Variants in AFF2 observed in about 807,000 individuals in gnomAD.
AFF2 encodes the protein ALF transcription elongation factor 2, also known as AF4/FMR2 family member 2.
A neutral mutation model predicts 76.9 loss-of-function variants in AFF2; 14 were observed. The observed-to-expected ratio is 0.18, with a 90% confidence interval of 0.12 to 0.28. The LOEUF (loss-of-function observed/expected upper bound fraction) is 0.28. AFF2 is among the 10% of genes least tolerant of loss of function. The pLI is 1.00. For synonymous variants in AFF2, 398 were observed against 366.7 expected, an observed-to-expected ratio of 1.09 and a Z score of -0.98; for missense variants, 868 against 1,001.1, an observed-to-expected ratio of 0.87 and a Z score of 1.79.
In AFF2 at chrX:148,662,442, C is replaced by T; in HGVS notation, c.715C>T (p.Pro239Ser). Residue 239 changes from proline to serine, a missense_variant, in exon 3 of 21, where the codon CCG (proline) becomes TCG (serine). By Grantham distance (74) the Pro-to-Ser change is moderately conservative. This residue lies in a region of AFF2 where 196 missense variants were observed against 194.8 expected (regional missense o/e 1.01). Coordinates refer to ENST00000370460, the MANE Select transcript of AFF2 (RefSeq NM_002025.4). ...CAAAGAAATCTTTCAATCCAATTCA[C>T]CGGAAGAATCTGAATTCGCCGTGCA... Reference protein sequence around the residue: ...AFKEIFQSNSPEESEFAVQAP... With the variant: ...AFKEIFQSNSSEESEFAVQAP... 1 of 1,211,781 alleles carries T rather than the reference C, an allele frequency of 8.3e-7. No homozygotes were observed. Among genetic ancestry groups the T allele is most frequent in the Non-Finnish European group, 1.1e-6 (1 of 895,343 alleles).
rs1276466281 is a variant in AFF2, at chrX:148,649,591, C to G, written c.48-2408C>G. 2.9e-4 allele frequency among the ~76,000 whole-genome samples: 33 copies of G among 112,325 alleles called. No individual in the cohort carries two copies. In the Admixed American group the frequency reaches 3.0e-3, roughly 10 times the overall value. ...GATAACACCCGCATGCACACTCAAT[C>G]TGCTATTCAAATTTGTGTCTGGAAT... On this transcript the variant is annotated intron_variant, in intron 1 of 20. Transcript: ENST00000370460.
chrX:148,805,897 T>TGA lies in AFF2; in HGVS notation c.1042-3975_1042-3974dup, dbSNP rs781905204. On this transcript the variant is annotated intron_variant, in intron 3 of 20. Transcript: ENST00000370460. Reference sequence around the variant, plus strand: ...CAAGAGGGTCGTCTGGGGCCAGGAGTGAGAGCACAGCCTCCCCTGTGTGTC... The same window carrying TGA: ...CAAGAGGGTCGTCTGGGGCCAGGAGTGAGAGAGCACAGCCTCCCCTGTGTGTC... Among the ~76,000 whole-genome samples the TGA allele has an allele frequency of 7.1e-5, 8 of 112,081 alleles. No individual in the cohort carries two copies. In the South Asian group the frequency reaches 3.0e-3, roughly 42 times the overall value.
intron 7 of AFF2, among the ~76,000 whole-genome samples, chrX:148,853,382 T>G (rs1168683445): frequency 1.8e-5 from 2 of 111,591 alleles, no homozygotes; most frequent in South Asian, 3.8e-4. Context: ...GTTCCAGCGC[T>G]CTCACTCCCC....
chrX:148,833,020 A>C (rs1351419514), intron 4 of AFF2, among the ~76,000 whole-genome samples: 7 of 111,638 alleles, frequency 6.3e-5, no homozygotes, highest in Non-Finnish European at 1.1e-4. Flanking sequence ...TAAGTACCTT[A>C]ATATTTATGC....
At chrX:148,690,576 A>C (rs1420247098) in intron 3 of AFF2, among the ~76,000 whole-genome samples, 3 of 112,258 alleles carry the variant, frequency 2.7e-5, no homozygotes, top group Admixed American at 1.9e-4. Flanking sequence ...TCATTATATC[A>C]GAGTGTTTAG....
At chrX:148,726,292 G>T (rs982082066) in intron 3 of AFF2, among the ~76,000 whole-genome samples, 5 of 111,741 alleles carry the variant, frequency 4.5e-5, no homozygotes, top group Non-Finnish European at 3.8e-5. Flanking sequence ...TTTTACTGGG[G>T]TCTGGTCACA....
chrX:148,723,115 C>T (rs1418615622), intron 3 of AFF2, among the ~76,000 whole-genome samples: 2 of 111,816 alleles, frequency 1.8e-5, no homozygotes, highest in Non-Finnish European at 3.8e-5. Flanking sequence ...CTTGCAAAGG[C>T]CTATGGCTCA....
chrX:148,894,959 A>G (rs1233545666), intron 8 of AFF2, among the ~76,000 whole-genome samples: 4 of 111,307 alleles, frequency 3.6e-5, no homozygotes, highest in Non-Finnish European at 7.5e-5. Flanking sequence ...AAATCCTGTC[A>G]TTTCTGGCAA....
At chrX:148,960,472 T>G (rs2072096121) in intron 12 of AFF2, among the ~76,000 whole-genome samples, 1 of 112,346 alleles carries the variant, frequency 8.9e-6, no homozygotes, top group African/African-American at 3.2e-5. Flanking sequence ...GTTTCCCTTG[T>G]AGCCTTTATC....
At chrX:148,910,562 A>G (rs1414051732) in intron 9 of AFF2, among the ~76,000 whole-genome samples, 1 of 112,513 alleles carries the variant, frequency 8.9e-6, no homozygotes, top group African/African-American at 3.2e-5. Flanking sequence ...ACTGTCAAAG[A>G]TGGAAGGGAC....
chrX:148,773,059 A>AAAAAAT (rs1285362004), intron 3 of AFF2, among the ~76,000 whole-genome samples: 1 of 110,853 alleles, frequency 9.0e-6, no homozygotes, highest in Non-Finnish European at 1.9e-5. Flanking sequence ...AGAAATGAAG[A>AAAAAAT]AAAAATAAAA....
chrX:148,637,178 A>T (rs1557253965), intron 1 of AFF2, among the ~76,000 whole-genome samples: 1 of 112,037 alleles, frequency 8.9e-6, no homozygotes, highest in East Asian at 2.8e-4. Context: ...CACTGCTTCC[A>T]TATGGTGCAT....
intron 3 of AFF2, among the ~76,000 whole-genome samples, chrX:148,796,950 A>G (rs1557270545): frequency 8.9e-6 from 1 of 112,178 alleles, no homozygotes; most frequent in African/African-American, 3.2e-5. Flanking sequence ...TTTGAAAATG[A>G]CATCTAATTG....
intron 3 of AFF2, among the ~76,000 whole-genome samples, chrX:148,785,833 A>G (rs894935661): frequency 2.7e-5 from 3 of 112,112 alleles, no homozygotes; most frequent in Non-Finnish European, 5.6e-5. Flanking sequence ...TGACTAAAAA[A>G]GGAGAATATT....
chrX:148,787,882 A>G (rs2069842586), intron 3 of AFF2, among the ~76,000 whole-genome samples: 1 of 112,465 alleles, frequency 8.9e-6, no homozygotes, highest in African/African-American at 3.2e-5. Context: ...GTCATCAATA[A>G]AAAGACTCTA....
intron 20 of AFF2, among the ~76,000 whole-genome samples, chrX:148,989,248 G>A (rs1394391912): frequency 8.9e-6 from 1 of 112,433 alleles, no homozygotes; most frequent in Admixed American, 9.4e-5. Context: ...TTAGTAACTG[G>A]AGGGCAGTTC....
chrX:148,690,272 A>G (rs1404029846), intron 3 of AFF2, among the ~76,000 whole-genome samples: 1 of 112,387 alleles, frequency 8.9e-6, no homozygotes, highest in Non-Finnish European at 1.9e-5. Context: ...AGAATGTGTA[A>G]TCATTTTATG....
chrX:148,973,398 A>C (rs1199544908), intron 15 of AFF2, 73 bp from the exon 16 acceptor site: 4 of 1,158,384 alleles, frequency 3.5e-6, no homozygotes, highest in African/African-American at 1.8e-5. Context: ...ACTACCCCCC[A>C]GTTTCAAACC....
chrX:148,682,785 A>G (rs781820714), intron 3 of AFF2, among the ~76,000 whole-genome samples: 6 of 112,364 alleles, frequency 5.3e-5, no homozygotes, highest in Non-Finnish European at 7.5e-5. Flanking sequence ...TAGCAAAAAC[A>G]TATTAAAAAT....
Sources: gnomAD v4.1 joint callset for allele counts (sites outside exome capture counted in the v4.1 genomes callset) on GRCh38, gnomAD v4.1.1 for gene constraint, gnomAD v4.1.1 regional missense constraint, MANE v1.5 for transcripts, NCBI Gene and HGNC (gene_info 2026-07-23, HGNC 2026-07-21) for gene names.